KLF8: variants seen among roughly 807,000 people sequenced by gnomAD.
KLF8 encodes Krueppel-like factor 8.
Under a neutral mutation model 18.2 loss-of-function variants are expected in KLF8, and 10 were observed. The observed-to-expected ratio is 0.55, with a 90% CI of 0.34 to 0.93. The LOEUF (loss-of-function observed/expected upper bound fraction) is 0.93. Ranked by LOEUF, KLF8 falls within the 40% of genes least tolerant of loss-of-function variation. The pLI, the probability that KLF8 is intolerant of heterozygous loss-of-function variation, is 0.02. For missense variants in KLF8, 264 were observed against 277.9 expected (o/e 0.95, Z 0.36); for synonymous variants, 109 against 97.3 (o/e 1.12, Z -0.71).
the KLF8 span, among the ~76,000 whole-genome samples, chrX:56,017,837 A>G: frequency 2.7e-5 from 3 of 111,970 alleles, no homozygotes; most frequent in Non-Finnish European, 5.6e-5. Flanking sequence ...TCTTCTCCCA[A>G]TATATCTGAC....
chrX:56,194,815 G>A, the KLF8 span, among the ~76,000 whole-genome samples: 2 of 112,138 alleles, frequency 1.8e-5, no homozygotes, highest in South Asian at 7.4e-4. Flanking sequence ...AGGGCTGAAA[G>A]ACACCTCATA....
chrX:55,947,188 G>A, the KLF8 span, among the ~76,000 whole-genome samples: 4 of 110,805 alleles, frequency 3.6e-5, no homozygotes, highest in Admixed American at 9.7e-5. Flanking sequence ...ACATGCACAC[G>A]TATGTTTTTT....
chrX:56,250,183 G>C (rs773228806), intron 1 of KLF8, 48 bp from the exon 2 acceptor site: 1 of 939,630 alleles, frequency 1.1e-6, no homozygotes, highest in Non-Finnish European at 1.5e-6. Context: ...TGCATATAGT[G>C]GGTTAGATTT....
chrX:56,041,667 T>TTTGTTGTTGTTGTTGTTG, the KLF8 span, among the ~76,000 whole-genome samples: 3 of 96,449 alleles, frequency 3.1e-5, no homozygotes, highest in African/African-American at 1.3e-4. Flanking sequence ...TCTCTCTAGT[T>TTTGTTGTTGTTGTTGTTG]TTGTTGTTGT....
At chrX:55,936,165 A>C in the KLF8 span, among the ~76,000 whole-genome samples, 6 of 112,208 alleles carry the variant, frequency 5.3e-5, no homozygotes, top group South Asian at 7.3e-4. Context: ...TTCTCTCCTC[A>C]GTTACTTAAA....
chrX:56,157,459 C>T, the KLF8 span, among the ~76,000 whole-genome samples: 33 of 110,976 alleles, frequency 3.0e-4, no homozygotes, highest in Non-Finnish European at 5.7e-4. Context: ...CCTGAGGAAT[C>T]GCCACACTGA....
chrX:56,149,717 T>A, the KLF8 span, among the ~76,000 whole-genome samples: 1 of 111,614 alleles, frequency 9.0e-6, no homozygotes, highest in East Asian at 2.8e-4. Flanking sequence ...TTTGCTAATG[T>A]TAAAAATTAT....
the KLF8 span, among the ~76,000 whole-genome samples, chrX:56,034,480 T>A: frequency 9.0e-6 from 1 of 111,482 alleles, no homozygotes; most frequent in African/African-American, 3.3e-5. Flanking sequence ...GAAGTTTGCC[T>A]TGGCTATTTG....
chrX:55,998,984 TA>T, the KLF8 span, among the ~76,000 whole-genome samples: 1 of 110,615 alleles, frequency 9.0e-6, no homozygotes, highest in African/African-American at 3.3e-5. Flanking sequence ...ATCTTACTTT[TA>T]AATCTTTAAT....
chrX:56,197,083 A>T, the KLF8 span, among the ~76,000 whole-genome samples: 1 of 111,889 alleles, frequency 8.9e-6, no homozygotes, highest in East Asian at 2.8e-4. Flanking sequence ...TATCAGGGAC[A>T]CATTTAAAGC....
chrX:56,042,321 AT>A, the KLF8 span, among the ~76,000 whole-genome samples: 12 of 111,876 alleles, frequency 1.1e-4, no homozygotes, highest in Admixed American at 4.8e-4. Context: ...AGTAAGTGCC[AT>A]GTAGCAATGA....
At chrX:56,258,530 C>T (rs2066835411) in intron 2 of KLF8, among the ~76,000 whole-genome samples, 1 of 112,221 alleles carries the variant, frequency 8.9e-6, no homozygotes, top group Non-Finnish European at 1.9e-5. Flanking sequence ...CAGCCTCGGC[C>T]TCCCAAAGTG....
chrX:56,178,963 G>C, the KLF8 span, among the ~76,000 whole-genome samples: 1 of 112,173 alleles, frequency 8.9e-6, no homozygotes, highest in Non-Finnish European at 1.9e-5. Context: ...CCTTGGCAAT[G>C]TGGGCTCTTT....
At chrX:56,241,970 C>T (rs945614709) in intron 1 of KLF8, among the ~76,000 whole-genome samples, 7 of 112,136 alleles carry the variant, frequency 6.2e-5, no homozygotes, top group African/African-American at 2.3e-4. Context: ...GGAGTTATTT[C>T]CACTTTCTAC....
At chrX:56,049,660 T>G in the KLF8 span, among the ~76,000 whole-genome samples, 2 of 103,253 alleles carry the variant, frequency 1.9e-5, no homozygotes, top group Non-Finnish European at 3.9e-5. Context: ...GCTGCTGGAT[T>G]CGGTTTGCCA....
At chrX:56,087,230 C>T in the KLF8 span, among the ~76,000 whole-genome samples, 1 of 110,560 alleles carries the variant, frequency 9.0e-6, no homozygotes, top group African/African-American at 3.3e-5. Context: ...ATGTAGTATG[C>T]CTGATATGGT....
chrX:56,173,852 T>C, the KLF8 span, among the ~76,000 whole-genome samples: 1 of 111,908 alleles, frequency 8.9e-6, no homozygotes, highest in African/African-American at 3.2e-5. Flanking sequence ...TTTTATTCTC[T>C]TTGAAGCAAT....
rs1322703403 is a variant in KLF8 at position 56,232,427 on chromosome X, G to C, written c.-908G>C. 4 of 109,874 alleles carry C rather than the reference G, an allele frequency of 3.6e-5. No homozygotes were observed. The highest frequency in any genetic ancestry group is 7.6e-5 in the Non-Finnish European group (4 of 52,672). 9.1% of individuals were successfully genotyped at this position (109,874 alleles called of 1,213,427 possible). A position where few individuals can be genotyped will look rare whatever the true frequency, so the allele number is the denominator to read the frequency against. ...CACCCTAGGTGGAGTCCTCACGATA[G>C]TCACACCTCTCCTTTGGGCCTAGCA... On this transcript the variant is annotated 5_prime_UTR_variant, in exon 1 of 6. Coordinates refer to ENST00000468660, the MANE Select transcript of KLF8 (RefSeq NM_007250.5).
chrX:56,029,981 T>A, the KLF8 span, among the ~76,000 whole-genome samples: 1 of 112,408 alleles, frequency 8.9e-6, no homozygotes, highest in Non-Finnish European at 1.9e-5. Context: ...AAAACCAGCC[T>A]GTTTTTGTAA....
Sources: gnomAD v4.1 joint callset for allele counts (sites outside exome capture counted in the v4.1 genomes callset) on GRCh38, gnomAD v4.1.1 for gene constraint, MANE v1.5 for transcripts, NCBI Gene and HGNC (gene_info 2026-07-23, HGNC 2026-07-21) for gene names.